Variants in PDP2 observed in about 807,000 individuals in gnomAD.
PDP2 encodes the protein [Pyruvate dehydrogenase [acetyl-transferring]]-phosphatase 2, mitochondrial.
In PDP2, 23 loss-of-function variants were observed where a neutral mutation model predicts 34.2. The ratio of observed to expected loss-of-function variants is 0.67; its 90% CI spans 0.48 to 0.95. PDP2 has a LOEUF of 0.95. Ranked by LOEUF, PDP2 falls within the 40% of genes least tolerant of loss-of-function variation. PDP2 has a pLI of 0.00. For missense variants in PDP2, 571 were observed against 659.6 expected (o/e 0.87, Z 1.47); for synonymous variants, 275 against 269.2 (o/e 1.02, Z -0.21).
Position 66,887,058 on chromosome 16 carries a change from G to A in PDP2, c.*1184G>A. ...ACCAAGTTTCTCTGAATCCTTTCCTGAGAGGTGGTGGGCAGGAGGGAGGAG... is the reference window on the plus strand; with the variant it reads ...ACCAAGTTTCTCTGAATCCTTTCCTAAGAGGTGGTGGGCAGGAGGGAGGAG... On this transcript the variant is annotated 3_prime_UTR_variant, in exon 2 of 2. Transcript: ENST00000311765. 1 of 167,834 alleles carries A rather than the reference G, an allele frequency of 6.0e-6. No homozygotes were observed. Among genetic ancestry groups the A allele is most frequent in the Non-Finnish European group, 1.5e-5 (1 of 68,486 alleles). 10.4% of individuals were successfully genotyped at this position (167,834 alleles called of 1,614,324 possible).
rs907428492 is a variant in PDP2, at chr16:66,887,438, T to A, written c.*1564T>A. The A allele has an allele frequency of 6.0e-6, 1 of 167,104 alleles. No individual in the cohort carries two copies. The highest frequency in any genetic ancestry group is 1.5e-5 in the Non-Finnish European group (1 of 68,122). The allele number at this position is 167,104 out of a possible 1,614,324, so 10.4% of individuals were successfully genotyped here. On this transcript the variant is annotated 3_prime_UTR_variant, in exon 2 of 2. Transcript: ENST00000311765. ...CATTTGTTGATCCCTTTTCTCATCT[T>A]ACCCCTTTATGCCACCTACTGAAAA...
rs1426195586 is a variant in PDP2, at chr16:66,889,800, A to C, written c.*3926A>C. The C allele has an allele frequency of 7.2e-6, 1 of 138,528 alleles. No homozygotes were observed. The highest frequency in any genetic ancestry group is 1.6e-5 in the Non-Finnish European group (1 of 63,552). 8.6% of individuals were successfully genotyped at this position (138,528 alleles called of 1,614,324 possible). A position where few individuals can be genotyped will look rare whatever the true frequency, so the allele number is the denominator to read the frequency against. ...TGGGCAACATAGATCTTGCCTCTAC[A>C]AAAAAAAAAAAAAATAGCCAGGTGT... On this transcript the variant is annotated 3_prime_UTR_variant, in exon 2 of 2. Transcript: ENST00000311765.
In PDP2 at chr16:66,890,391, A is replaced by G. The variant is rs950188264; in HGVS notation, c.*4517A>G. ...CATTAAGGCTAATTTATTATAATGA[A>G]AATGTAAACTTTGAGGTATGTTAAT... On this transcript the variant is annotated 3_prime_UTR_variant, in exon 2 of 2. Coordinates refer to ENST00000311765, the MANE Select transcript of PDP2 (RefSeq NM_020786.4). 6.6e-6 allele frequency: 1 copy of G among 152,242 alleles called. No individual in the cohort carries two copies. Among genetic ancestry groups the G allele is most frequent in the African/African-American group, 2.4e-5 (1 of 41,468 alleles). 9.4% of individuals were successfully genotyped at this position (152,242 alleles called of 1,614,324 possible). A position where few individuals can be genotyped will look rare whatever the true frequency, so the allele number is the denominator to read the frequency against.
In PDP2 at chr16:66,889,218, C is replaced by G. The variant is rs1961906248; in HGVS notation, c.*3344C>G. 6.6e-6 allele frequency: 1 copy of G among 152,146 alleles called. No individual in the cohort carries two copies. The highest frequency in any genetic ancestry group is 1.5e-5 in the Non-Finnish European group (1 of 68,030). 9.4% of individuals were successfully genotyped at this position (152,146 alleles called of 1,614,324 possible). ...TGAACATTTAATATTTTGGATGTAA[C>G]TTTTGAAGAAAGTATGCTTTGGTGC... On this transcript the variant is annotated 3_prime_UTR_variant, in exon 2 of 2. Coordinates refer to ENST00000311765, the MANE Select transcript of PDP2 (RefSeq NM_020786.4).
chr16:66,885,490 C>T lies in PDP2; in HGVS notation c.1206C>T (p.Pro402=). The change falls in exon 2 of 2, where the codon CCC becomes CCT. Residue 402 remains proline, a synonymous_variant. Transcript: ENST00000311765. This position sits in a 1 kb window ranked among gnomAD's most constrained non-coding sequence, Gnocchi z 4.6. ...AGGTCACATACCACAGGCTGAGGCC[C>T]CAGGATAAGTTCCTTGTGCTGGCCT... is the stretch of plus-strand genomic sequence containing the variant. ...EPEVTYHRLR[P]QDKFLVLASD... is the part of the protein sequence containing the mutation. 1 of 1,613,994 alleles carries T rather than the reference C, an allele frequency of 6.2e-7. No homozygotes were observed. Among genetic ancestry groups the T allele is most frequent in the Non-Finnish European group, 8.5e-7 (1 of 1,180,036 alleles).
In PDP2 at chr16:66,887,019, G is replaced by A. The variant is rs1163533339; in HGVS notation, c.*1145G>A. The A allele has an allele frequency of 1.2e-5, 2 of 167,910 alleles. No individual in the cohort carries two copies. The highest frequency in any genetic ancestry group is 4.8e-5 in the African/African-American group (2 of 41,448). The allele number at this position is 167,910 out of a possible 1,614,324, so 10.4% of individuals were successfully genotyped here. On this transcript the variant is annotated 3_prime_UTR_variant, in exon 2 of 2. Transcript: ENST00000311765. Reference sequence around the variant, plus strand: ...AGAGGTGAAAACACAAAGGCTTAAGGACAACAGTTTCTAACCAAGTTTCTC... The same window carrying A: ...AGAGGTGAAAACACAAAGGCTTAAGAACAACAGTTTCTAACCAAGTTTCTC...
rs1414969285 is a variant in PDP2 at position 66,890,404 on chromosome 16, G to C, written c.*4530G>C. 1 of 152,174 alleles carries C rather than the reference G, an allele frequency of 6.6e-6. No individual in the cohort carries two copies. The highest frequency in any genetic ancestry group is 1.5e-5 in the Non-Finnish European group (1 of 68,042). The allele number at this position is 152,174 out of a possible 1,614,324, so 9.4% of individuals were successfully genotyped here. A position where few individuals can be genotyped will look rare whatever the true frequency, so the allele number is the denominator to read the frequency against. On this transcript the variant is annotated 3_prime_UTR_variant, in exon 2 of 2. Coordinates refer to ENST00000311765, the MANE Select transcript of PDP2 (RefSeq NM_020786.4). The stretch of plus-strand genomic sequence containing the variant: ...TTATTATAATGAAAATGTAAACTTT[G>C]AGGTATGTTAATATATAAACATCTT...
chr16:66,884,244 C>CT lies in PDP2; in HGVS notation c.-35dup. ...TTTAATTTTTAGGTTTAAAAATATC[C>CT]TTTTTTGCTGAAGGAACACATTTGC... On this transcript the variant is annotated 5_prime_UTR_variant, in exon 2 of 2. Transcript: ENST00000311765. The CT allele has an allele frequency of 6.9e-6, 10 of 1,439,498 alleles. No homozygotes were observed. Among genetic ancestry groups the CT allele is most frequent in the African/African-American group, 1.4e-5 (1 of 69,304 alleles). 89.2% of individuals were successfully genotyped at this position (1,439,498 alleles called of 1,614,324 possible). A position where few individuals can be genotyped will look rare whatever the true frequency, so the allele number is the denominator to read the frequency against.
rs933788502 is a variant in PDP2, at chr16:66,885,804, G to A, written c.1520G>A (p.Arg507Lys). Residue 507 changes from arginine (R) to lysine (K), a missense_variant, in exon 2 of 2, where the codon AGG becomes AAG. By Grantham distance (26) the Arg-to-Lys change is conservative. Around this residue, in one of 2 missense-constraint regions of PDP2, gnomAD observed 281 missense variants for 375.8 expected, o/e 0.75. Coordinates refer to ENST00000311765, the MANE Select transcript of PDP2 (RefSeq NM_020786.4). This position sits in a 1 kb window ranked among gnomAD's most constrained non-coding sequence, Gnocchi z 4.6. The part of the protein sequence containing the change: ...TLPEDLARMY[R>K]DDITVTVVYF... ...CCAGAGGACTTGGCGAGGATGTACA[G>A]GGATGATATCACTGTCACTGTGGTG... 2 of 1,613,414 alleles carry A rather than the reference G, an allele frequency of 1.2e-6. No homozygotes were observed. Among genetic ancestry groups the A allele is most frequent in the Non-Finnish European group, 1.7e-6 (2 of 1,180,008 alleles).
In PDP2 at chr16:66,885,649, G is replaced by C. The variant is rs1489265880; in HGVS notation, c.1365G>C (p.Leu455=). ...PANLGLMQSL[L]LQRKASGLHE... ...ACTTGGGGCTCATGCAGAGCCTGCT[G>C]CTGCAGAGGAAAGCCAGCGGGCTCC... The change falls in exon 2 of 2, where the codon CTG becomes CTC. Residue 455 remains leucine (L), a synonymous_variant. Transcript: ENST00000311765. The surrounding 1 kb of genome is among the most constrained non-coding windows in gnomAD (Gnocchi z 4.6). The C allele has an allele frequency of 1.9e-6, 3 of 1,614,106 alleles. No homozygotes were observed. The highest frequency in any genetic ancestry group is 2.5e-6 in the Non-Finnish European group (3 of 1,180,024).
Position 66,884,573 on chromosome 16 carries a change from G to A in PDP2, c.289G>A (p.Asp97Asn), listed in dbSNP as rs376435687. The change falls in exon 2 of 2, where the codon GAC (aspartate) becomes AAC (asparagine). Residue 97 changes from aspartate to asparagine, a missense_variant. Physicochemically the swap from Asp to Asn is conservative, Grantham distance 23 (BLOSUM62 1). Coordinates refer to ENST00000311765, the MANE Select transcript of PDP2 (RefSeq NM_020786.4). ...RAGETTHKIL[D>N]LESRVPNSVL... ...TGGCGAGACAACCCACAAGATTCTTGACCTTGAAAGCAGAGTCCCAAATTC... is the reference window on the plus strand; with the variant it reads ...TGGCGAGACAACCCACAAGATTCTTAACCTTGAAAGCAGAGTCCCAAATTC... The A allele has an allele frequency of 2.5e-6, 4 of 1,614,100 alleles. No homozygotes were observed. The South Asian group carries it at 4.4e-5, about 18-fold the overall frequency.
At chr16:66,881,694 TTTAAAGAGACAGATCTGGCTCTG>T (rs1030363142) in intron 1 of PDP2, among the ~76,000 whole-genome samples, 19 of 152,236 alleles carry the variant, frequency 1.2e-4, no homozygotes, top group African/African-American at 4.1e-4. Context: ...TGTTGTTGTT[TTTAAAGAGACAGATCTGGCTCTG>T]TCGCCCAGGC....
At chr16:66,883,590 C>G (rs1356384982) in intron 1 of PDP2, among the ~76,000 whole-genome samples, 2 of 151,940 alleles carry the variant, frequency 1.3e-5, no homozygotes, top group East Asian at 3.9e-4. Context: ...AGATACACAC[C>G]ACCATGCCTG....
chr16:66,885,134 G>T lies in PDP2; in HGVS notation c.850G>T (p.Ala284Ser). The change falls in exon 2 of 2, where the codon GCT becomes TCT. Residue 284 changes from alanine (A) to serine (S), a missense_variant. By Grantham distance (99) the Ala-to-Ser change is moderately conservative. This residue lies in a region of PDP2 where 281 missense variants were observed against 375.8 expected (regional missense o/e 0.75). Coordinates refer to ENST00000311765, the MANE Select transcript of PDP2 (RefSeq NM_020786.4). The surrounding 1 kb of genome is among the most constrained non-coding windows in gnomAD (Gnocchi z 4.6). ...VDGIHLHVANAGDCRAILGVQ... is the reference protein window; with the variant it reads ...VDGIHLHVANSGDCRAILGVQ... ...TGGAATTCACTTGCACGTGGCAAAT[G>T]CTGGTGACTGCCGAGCCATCCTTGG... The T allele has an allele frequency of 6.2e-7, 1 of 1,613,990 alleles. No homozygotes were observed. The highest frequency in any genetic ancestry group is 8.5e-7 in the Non-Finnish European group (1 of 1,180,042).
In PDP2 at chr16:66,888,881, C is replaced by G. The variant is rs1198915465; in HGVS notation, c.*3007C>G. Reference sequence around the variant, plus strand: ...CCAGGCATATCTGGTTTTTCTCTGCCTAATAGATTTTCCTGCTTTCTAGTT... The same window carrying G: ...CCAGGCATATCTGGTTTTTCTCTGCGTAATAGATTTTCCTGCTTTCTAGTT... On this transcript the variant is annotated 3_prime_UTR_variant, in exon 2 of 2. Coordinates refer to ENST00000311765, the MANE Select transcript of PDP2 (RefSeq NM_020786.4). The G allele has an allele frequency of 1.3e-5, 2 of 152,222 alleles. No individual in the cohort carries two copies. The highest frequency in any genetic ancestry group is 2.9e-5 in the Non-Finnish European group (2 of 68,042). The allele number at this position is 152,222 out of a possible 1,614,324, so 9.4% of individuals were successfully genotyped here.
intron 1 of PDP2, among the ~76,000 whole-genome samples, chr16:66,883,965 G>A (rs1372299276): frequency 6.6e-6 from 1 of 151,956 alleles, no homozygotes; most frequent in Non-Finnish European, 1.5e-5. Flanking sequence ...ACAAGGTCAG[G>A]AGATCGAGAC....
chr16:66,882,161 C>T (rs184360689), intron 1 of PDP2, among the ~76,000 whole-genome samples: 106 of 152,296 alleles, frequency 7.0e-4, no homozygotes, highest in Non-Finnish European at 1.3e-3. Flanking sequence ...TACAAAAATA[C>T]GTACAGAATG....
In PDP2 at chr16:66,884,531, A is replaced by T. The variant is rs1331958824; in HGVS notation, c.247A>T (p.Asn83Tyr). The change falls in exon 2 of 2, where the codon AAT becomes TAT. Residue 83 changes from asparagine to tyrosine, a missense_variant. By Grantham distance (143) the Asn-to-Tyr change is moderately radical. Transcript: ENST00000311765. The part of the protein sequence containing the change: ...FHLQLSPEQI[N>Y]EVLRAGETTH... ...CTTGCAACTCAGCCCTGAGCAGATAAATGAAGTGCTTCGAGCTGGCGAGAC... is the reference window on the plus strand; with the variant it reads ...CTTGCAACTCAGCCCTGAGCAGATATATGAAGTGCTTCGAGCTGGCGAGAC... 4 of 1,614,118 alleles carry T rather than the reference A, an allele frequency of 2.5e-6. No individual in the cohort carries two copies. In the African/African-American group the frequency reaches 5.3e-5, roughly 22 times the overall value.
At chr16:66,882,752 A>T (rs972285058) in intron 1 of PDP2, among the ~76,000 whole-genome samples, 1 of 152,192 alleles carries the variant, frequency 6.6e-6, no homozygotes, top group Non-Finnish European at 1.5e-5. Context: ...AGGCACTGGA[A>T]AGCTGTTGGT....
Sources: allele counts gnomAD v4.1 joint callset (sites outside exome capture counted in the v4.1 genomes callset), GRCh38; gene constraint gnomAD v4.1.1; regional missense constraint gnomAD v4.1.1; non-coding constraint Gnocchi (gnomAD v3.1); transcripts MANE v1.5; gene names NCBI Gene and HGNC (gene_info 2026-07-23, HGNC 2026-07-21).